Variants in ECHDC1 observed in about 807,000 individuals in gnomAD.
ECHDC1 encodes the protein ethylmalonyl-CoA decarboxylase.
ECHDC1 carries 29 observed loss-of-function variants against 29.7 expected under a neutral mutation model. That is an observed-to-expected ratio of 0.98 (90% CI 0.73 to 1.33). ECHDC1 has a LOEUF of 1.33. ECHDC1 is among the 40% of genes most tolerant of loss of function. ECHDC1 has a pLI of 0.00. For missense variants in ECHDC1, 328 were observed against 350.0 expected (o/e 0.94, Z 0.50); for synonymous variants, 126 against 123.1 (o/e 1.02, Z -0.15).
chr6:127,315,873 C>A, intron 4 of ECHDC1: 1 of 443,312 alleles, frequency 2.3e-6, no homozygotes, highest in Non-Finnish European at 4.7e-6. Context: ...TGTCTACATT[C>A]GGAATGTGAA....
chr6:127,303,101 ATGAAT>A (rs1395517220), intron 5 of ECHDC1, among the ~76,000 whole-genome samples: 3 of 152,154 alleles, frequency 2.0e-5, no homozygotes, highest in Admixed American at 6.5e-5. Context: ...ATTTTAACTG[ATGAAT>A]TGAAACCTGA....
chr6:127,342,493 T>C lies in ECHDC1; in HGVS notation c.-3+843A>G, dbSNP rs1365941723. ...AATCAAGAAAGGATCGCCCGTTCTA[T>C]TACTGCGCTGCTCCCTCCCCTCGTA... On this transcript the variant is annotated intron_variant, in intron 1 of 5. Transcript: ENST00000454859. The C allele has an allele frequency of 5.2e-6, 5 of 958,168 alleles. No individual in the cohort carries two copies. The South Asian group carries it at 7.6e-5, about 15-fold the overall frequency. The allele number at this position is 958,168 out of a possible 1,614,324, so 59.4% of individuals were successfully genotyped here. A position where few individuals can be genotyped will look rare whatever the true frequency, so the allele number is the denominator to read the frequency against.
At chr6:127,300,689 C>T (rs1780990108) in intron 5 of ECHDC1, among the ~76,000 whole-genome samples, 1 of 152,152 alleles carries the variant, frequency 6.6e-6, no homozygotes, top group Non-Finnish European at 1.5e-5. Context: ...GTGCATGTAA[C>T]CAAATTCTAC....
chr6:127,292,638 A>C (rs1203689137), intron 5 of ECHDC1, among the ~76,000 whole-genome samples: 1 of 152,076 alleles, frequency 6.6e-6, no homozygotes, highest in Non-Finnish European at 1.5e-5. Context: ...TTAACCTAAA[A>C]ATGAAAGTTT....
intron 2 of ECHDC1, 120 bp downstream of exon 2, chr6:127,330,689 C>A: frequency 6.6e-6 from 5 of 752,414 alleles, no homozygotes; most frequent in East Asian, 5.4e-5. Context: ...TTATTTTTCT[C>A]ATGTTCTACC....
At chr6:127,334,234 T>C (rs779588423) in intron 1 of ECHDC1, among the ~76,000 whole-genome samples, 8 of 152,162 alleles carry the variant, frequency 5.3e-5, no homozygotes, top group Non-Finnish European at 8.8e-5. Context: ...CCTGAACTCA[T>C]ACTTCACGTA....
intron 5 of ECHDC1, among the ~76,000 whole-genome samples, chr6:127,305,547 G>A (rs1582947255): frequency 6.6e-6 from 1 of 152,062 alleles, no homozygotes; most frequent in Non-Finnish European, 1.5e-5. Flanking sequence ...CTGTAACTGT[G>A]TCTTATCTTA....
At chr6:127,320,922 A>T (rs1016794752) in intron 3 of ECHDC1, among the ~76,000 whole-genome samples, 5 of 152,156 alleles carry the variant, frequency 3.3e-5, no homozygotes, top group African/African-American at 4.8e-5. Context: ...GGAATAATAG[A>T]TAAGAAATAT....
intron 5 of ECHDC1, among the ~76,000 whole-genome samples, chr6:127,304,052 G>A (rs1270927910): frequency 6.6e-6 from 1 of 152,168 alleles, no homozygotes; most frequent in Non-Finnish European, 1.5e-5. Context: ...GTGAACATAG[G>A]CAGTATCCAG....
intron 3 of ECHDC1, 92 bp downstream of exon 3, chr6:127,326,910 A>G (rs1783395104): frequency 6.5e-6 from 9 of 1,384,944 alleles, no homozygotes; most frequent in Non-Finnish European, 8.8e-6. Flanking sequence ...AAGTTATTAA[A>G]GTCATCATAA....
At chr6:127,307,648 G>GAAAAA (rs71024770) in intron 5 of ECHDC1, among the ~76,000 whole-genome samples, 7 of 48,664 alleles carry the variant, frequency 1.4e-4, no homozygotes, top group African/African-American at 4.0e-4. Context: ...CTCTGTCTCA[G>GAAAAA]AAAAAAAAAA....
chr6:127,298,839 T>C (rs1189917807), intron 5 of ECHDC1, among the ~76,000 whole-genome samples: 3 of 152,068 alleles, frequency 2.0e-5, no homozygotes, highest in African/African-American at 4.8e-5. Context: ...TTGATAATAA[T>C]AAATGACCAT....
rs753323556 is a variant in ECHDC1, at chr6:127,330,910, GT to G, written c.118del (p.Thr40HisfsTer24). 1.2e-6 allele frequency: 2 copies of G among 1,614,042 alleles called. No individual in the cohort carries two copies. Among genetic ancestry groups the G allele is most frequent in the Non-Finnish European group, 8.5e-7 (1 of 1,179,992 alleles). Reference sequence around the variant, plus strand: ...GGATCCACCAGGAAACTGCTGAAGTGTTTTTTTCACTTCTTCCTCATAAAAT... The same window carrying G: ...GGATCCACCAGGAAACTGCTGAAGTGTTTTTTCACTTCTTCCTCATAAAAT... ...HGFYEEEVKK[T>X]LQQFPGGSID... On this transcript the variant is annotated frameshift_variant, in exon 2 of 6. Coordinates refer to ENST00000454859, the MANE Select transcript of ECHDC1 (RefSeq NM_001002030.2). LOFTEE classifies it high-confidence loss of function.
intron 4 of ECHDC1, chr6:127,315,895 A>AG (rs1207152929): frequency 2.2e-6 from 1 of 457,420 alleles, no homozygotes; most frequent in African/African-American, 2.0e-5. Flanking sequence ...GTAGAAAGCT[A>AG]ATCAACCAAA....
intron 4 of ECHDC1, chr6:127,316,167 C>T (rs1193882630): frequency 4.3e-6 from 2 of 463,714 alleles, no homozygotes; most frequent in East Asian, 1.2e-4. Flanking sequence ...ATTTAACTTT[C>T]CCAGTATCTA....
At chr6:127,317,369 A>C (rs561276463) in intron 3 of ECHDC1, among the ~76,000 whole-genome samples, 2 of 152,132 alleles carry the variant, frequency 1.3e-5, no homozygotes, top group South Asian at 2.1e-4. Context: ...CTTCCATATA[A>C]AGTGCTAAAA....
At chr6:127,333,493 AC>A (rs1784147689) in intron 1 of ECHDC1, among the ~76,000 whole-genome samples, 1 of 151,986 alleles carries the variant, frequency 6.6e-6, no homozygotes, top group Admixed American at 6.6e-5. Context: ...ATCAATACAT[AC>A]CCATGTCTGA....
intron 5 of ECHDC1, among the ~76,000 whole-genome samples, chr6:127,296,658 T>G (rs560462781): frequency 6.6e-6 from 1 of 152,154 alleles, no homozygotes; most frequent in African/African-American, 2.4e-5. Flanking sequence ...GAATAAATAA[T>G]TCACCAAAAA....
At chr6:127,295,549 A>ATCTC (rs1277438265) in intron 5 of ECHDC1, among the ~76,000 whole-genome samples, 1 of 152,216 alleles carries the variant, frequency 6.6e-6, no homozygotes, top group Non-Finnish European at 1.5e-5. Context: ...ATCACCAAAA[A>ATCTC]TCTCTAAAAA....
Sources: gnomAD v4.1 joint callset for allele counts (sites outside exome capture counted in the v4.1 genomes callset) on GRCh38, gnomAD v4.1.1 for gene constraint, MANE v1.5 for transcripts, NCBI Gene and HGNC (gene_info 2026-07-23, HGNC 2026-07-21) for gene names.